The following INO80 variants were observed in gnomAD, a reference collection of about 807,000 sequenced individuals.
INO80 encodes chromatin-remodeling ATPase INO80.
INO80 carries 20 observed loss-of-function variants against 203.4 expected under a neutral mutation model. That is an observed-to-expected ratio of 0.10 (90% confidence interval 0.07 to 0.14). The LOEUF (loss-of-function observed/expected upper bound fraction) is 0.14. INO80 is among the 10% of genes least tolerant of loss of function. The pLI is 1.00. For synonymous variants in INO80, 726 were observed against 685.2 expected (o/e 1.06, Z -0.93); for missense variants, 1,419 against 1,914.4 (o/e 0.74, Z 4.83).
chr15:41,051,841 C>G (rs751824195), intron 19 of INO80, among the ~76,000 whole-genome samples: 5 of 152,074 alleles, frequency 3.3e-5, no homozygotes, highest in Non-Finnish European at 7.4e-5. Context: ...ACCTGTAGTC[C>G]CAGCTACTAG....
chr15:41,084,811 C>T (rs963543159), intron 7 of INO80, among the ~76,000 whole-genome samples: 13 of 152,294 alleles, frequency 8.5e-5, no homozygotes, highest in African/African-American at 2.9e-4. Context: ...GCGATCTCAG[C>T]TCGCTGCAGC....
rs146410853 is a variant in INO80, at chr15:40,979,280, G to A, written c.*943C>T. On this transcript the variant is annotated 3_prime_UTR_variant, in exon 36 of 36. Transcript: ENST00000648947. ...ACACTGCCCCTCTGTCTCTACTGGA[G>A]GGCAGCAAGCTCAGGCTGGCCGGGC... The A allele has an allele frequency of 2.7e-3, 408 of 152,820 alleles. 3 individuals are homozygous for A. The highest frequency in any genetic ancestry group is 4.2e-3 in the Non-Finnish European group (284 of 68,066). The allele number at this position is 152,820 out of a possible 1,614,324, so 9.5% of individuals were successfully genotyped here.
At chr15:41,001,817 C>A (rs2043962854) in intron 28 of INO80, among the ~76,000 whole-genome samples, 1 of 152,170 alleles carries the variant, frequency 6.6e-6, no homozygotes, top group Non-Finnish European at 1.5e-5. Context: ...CTCTGGCTGA[C>A]CTTTGACCAC....
At chr15:41,029,690 C>T (rs1566918028) in intron 24 of INO80, among the ~76,000 whole-genome samples, 1 of 152,244 alleles carries the variant, frequency 6.6e-6, no homozygotes, top group Non-Finnish European at 1.5e-5. Flanking sequence ...TATCTCTCTA[C>T]ATGTTTATGC....
intron 27 of INO80, among the ~76,000 whole-genome samples, chr15:41,012,591 A>T (rs1001328676): frequency 8.4e-6 from 1 of 119,116 alleles, no homozygotes; most frequent in South Asian, 2.8e-4. Flanking sequence ...CCTATAGGCG[A>T]TTCAGTAAAT....
At position 41,037,102 on chromosome 15, in the gene INO80, C is replaced by CA. The variant is rs578153922; in HGVS notation, c.2907+7801dup. Among the ~76,000 whole-genome samples, 91 of 149,004 alleles carry CA rather than the reference C, an allele frequency of 6.1e-4. 2 individuals are homozygous for CA. Among genetic ancestry groups the CA allele is most frequent in the African/African-American group, 2.0e-3 (81 of 40,482 alleles). On this transcript the variant is annotated intron_variant, in intron 24 of 35. Transcript: ENST00000648947. ...TGGGTGACAGAGCAAGACTCTATCT[C>CA]AAAAAACAAAACAAAACAAAACAAA... is the stretch of plus-strand genomic sequence containing the variant.
At chr15:41,063,252 G>A (rs1354348844) in intron 14 of INO80, among the ~76,000 whole-genome samples, 1 of 152,070 alleles carries the variant, frequency 6.6e-6, no homozygotes, top group Non-Finnish European at 1.5e-5. Flanking sequence ...CAGGAGAATT[G>A]CTTGAACCTG....
At chr15:41,070,112 A>C (rs1293291583) in intron 13 of INO80, among the ~76,000 whole-genome samples, 1 of 152,230 alleles carries the variant, frequency 6.6e-6, no homozygotes, top group African/African-American at 2.4e-5. Context: ...AGCCTCAGAG[A>C]GTTAAGTTGA....
chr15:41,007,182 CTTTTTTTTT>C lies in INO80; in HGVS notation c.3403-1504_3403-1496del, dbSNP rs11330780. ...GCACAGGCACTCTTTTTTTTTTTTT[CTTTTTTTTT>C]TTTTTTTTTTTAGACACTGTCTTGC... On this transcript the variant is annotated intron_variant, in intron 27 of 35. Coordinates refer to ENST00000648947, the MANE Select transcript of INO80 (RefSeq NM_017553.3). Among the ~76,000 whole-genome samples the C allele has an allele frequency of 7.9e-4, 94 of 119,310 alleles. 1 individual carries two copies. In the East Asian group the frequency reaches 0.022, roughly 27 times the overall value. 78.3% of individuals were successfully genotyped at this position (119,310 alleles called of 152,430 possible). A position where few individuals can be genotyped will look rare whatever the true frequency, so the allele number is the denominator to read the frequency against.
At chr15:40,998,138 C>T (rs2043906413) in intron 28 of INO80, among the ~76,000 whole-genome samples, 1 of 151,276 alleles carries the variant, frequency 6.6e-6, no homozygotes, top group East Asian at 2.0e-4. Flanking sequence ...TCTCCTGCCT[C>T]AGCCTCCCAA....
At chr15:41,001,990 T>TGGA (rs1566906016) in intron 28 of INO80, among the ~76,000 whole-genome samples, 1 of 152,316 alleles carries the variant, frequency 6.6e-6, no homozygotes, top group East Asian at 1.9e-4. Context: ...TTCCGCCCTT[T>TGGA]GGAGGGGTCA....
intron 1 of INO80, among the ~76,000 whole-genome samples, chr15:41,109,881 G>T (rs898106076): frequency 6.6e-6 from 1 of 151,198 alleles, no homozygotes; most frequent in African/African-American, 2.4e-5. Flanking sequence ...GCAGTGAACC[G>T]AGATAGTACC....
chr15:41,088,769 G>A (rs1177857344), intron 5 of INO80, among the ~76,000 whole-genome samples: 1 of 152,078 alleles, frequency 6.6e-6, no homozygotes, highest in African/African-American at 2.4e-5. Context: ...GATTAACATG[G>A]GGAACTATTA....
intron 24 of INO80, among the ~76,000 whole-genome samples, chr15:41,036,221 T>C (rs2044574192): frequency 6.8e-6 from 1 of 147,918 alleles, no homozygotes; most frequent in African/African-American, 2.5e-5. Context: ...GCTCCCAAGT[T>C]CCCAGCCAAC....
At chr15:41,078,937 T>A (rs2045443845) in intron 9 of INO80, among the ~76,000 whole-genome samples, 1 of 152,112 alleles carries the variant, frequency 6.6e-6, no homozygotes, top group Non-Finnish European at 1.5e-5. Flanking sequence ...GCTCAGGAAT[T>A]CAAAACCAGC....
At chr15:41,078,148 T>C (rs1329148362) in intron 9 of INO80, among the ~76,000 whole-genome samples, 3 of 152,102 alleles carry the variant, frequency 2.0e-5, no homozygotes, top group Non-Finnish European at 4.4e-5. Context: ...TCCACCCACC[T>C]CGGCCTCCCA....
chr15:41,083,677 G>A (rs1350616771), intron 7 of INO80, among the ~76,000 whole-genome samples: 1 of 137,304 alleles, frequency 7.3e-6, no homozygotes, highest in Non-Finnish European at 1.5e-5. Flanking sequence ...TCACACACCT[G>A]TACTCCAGCC....
At chr15:41,088,819 A>G (rs909588621) in intron 5 of INO80, among the ~76,000 whole-genome samples, 1 of 152,218 alleles carries the variant, frequency 6.6e-6, no homozygotes, top group Admixed American at 6.5e-5. Flanking sequence ...ATTAGCATGC[A>G]CTGAGCTGTA....
intron 1 of INO80, among the ~76,000 whole-genome samples, chr15:41,097,274 G>A (rs948604478): frequency 4.6e-5 from 7 of 151,828 alleles, no homozygotes; most frequent in Admixed American, 4.6e-4. Context: ...TTGAACTCCT[G>A]ACCTCAAGCA....
Sources: gnomAD v4.1 joint callset for allele counts (sites outside exome capture counted in the v4.1 genomes callset) on GRCh38, gnomAD v4.1.1 for gene constraint, MANE v1.5 for transcripts, NCBI Gene and HGNC (gene_info 2026-07-23, HGNC 2026-07-21) for gene names.